Variants in CPNE3 observed in about 807,000 individuals in gnomAD.
CPNE3 encodes copine-3.
In CPNE3, 68 loss-of-function variants were observed where a neutral mutation model predicts 63.9. The ratio of observed to expected loss-of-function variants is 1.06; its 90% CI spans 0.87 to 1.30. The LOEUF (loss-of-function observed/expected upper bound fraction) is 1.30, where lower values mean the gene tolerates loss of function less well. CPNE3 is among the 50% of genes most tolerant of loss of function. The probability of loss-of-function intolerance (pLI) is 0.00; values close to 1 mark genes in which losing one functional copy is unlikely to be tolerated. For missense variants in CPNE3, 665 were observed against 578.1 expected (o/e 1.15, Z -1.54); for synonymous variants, 219 against 197.5 (o/e 1.11, Z -0.91).
chr8:86,525,419 T>C (rs1437289997), intron 2 of CPNE3, among the ~76,000 whole-genome samples: 1 of 152,178 alleles, frequency 6.6e-6, no homozygotes, highest in African/African-American at 2.4e-5. Context: ...TTCCAGACCC[T>C]AGTGTTTATG....
chr8:86,543,350 A>G (rs2131473797), intron 8 of CPNE3, among the ~76,000 whole-genome samples: 1 of 152,274 alleles, frequency 6.6e-6, no homozygotes, highest in South Asian at 2.1e-4. Flanking sequence ...AGTCTTCCTG[A>G]AGAATAATGA....
chr8:86,548,396 T>G lies in CPNE3; in HGVS notation c.975T>G (p.Ala325=), dbSNP rs201096748. Residue 325 remains alanine, a synonymous_variant, in exon 12 of 17, where the codon GCT becomes GCG. Transcript: ENST00000517490. ...SPNGVNEYLT[A]LWSVGLVIQD... is the part of the protein sequence containing the mutation. ...ATGGCGTTAATGAGTATTTGACTGC[T>G]CTCTGGTCTGTGGGACTGGTCATTC... 9 of 1,614,160 alleles carry G rather than the reference T, an allele frequency of 5.6e-6. No individual in the cohort carries two copies. The highest frequency in any genetic ancestry group is 4.4e-5 in the South Asian group (4 of 91,082).
intron 2 of CPNE3, among the ~76,000 whole-genome samples, chr8:86,528,070 T>C (rs1820578924): frequency 6.6e-6 from 1 of 150,548 alleles, no homozygotes; most frequent in South Asian, 2.1e-4. Context: ...TGCCTCAGCC[T>C]TCCTAGTAGC....
chr8:86,556,473 C>T (rs549639455), intron 16 of CPNE3, 135 bp downstream of exon 16: 11 of 695,582 alleles, frequency 1.6e-5, no homozygotes, highest in African/African-American at 1.2e-4. Context: ...TTGAGAGCTC[C>T]GATTTGGTTT....
intron 14 of CPNE3, among the ~76,000 whole-genome samples, chr8:86,552,008 C>G (rs1011408122): frequency 1.3e-5 from 2 of 152,168 alleles, no homozygotes; most frequent in African/African-American, 4.8e-5. Flanking sequence ...CCAAGTGCTG[C>G]TTCTTTTTTT....
intron 2 of CPNE3, chr8:86,521,493 T>C (rs1241122635): frequency 1.3e-5 from 2 of 152,218 alleles, no homozygotes; most frequent in Non-Finnish European, 2.9e-5. Context: ...ATAGAGAATA[T>C]TGCTGTTATA....
intron 7 of CPNE3, among the ~76,000 whole-genome samples, chr8:86,537,987 T>TCTCACA (rs60088535): frequency 7.0e-6 from 1 of 142,198 alleles, no homozygotes; most frequent in East Asian, 2.0e-4. Context: ...TCTCTCTCTC[T>TCTCACA]CACACACACA....
chr8:86,528,514 C>A lies in CPNE3; in HGVS notation c.-10-22C>A, dbSNP rs878888717. 3.1e-6 allele frequency: 5 copies of A among 1,610,048 alleles called. No homozygotes were observed. In the South Asian group the frequency reaches 4.4e-5, roughly 14 times the overall value. ...TTAAAGGCACTGTTTTACTTGCTTT[C>A]TCTTTTTATTGGTTTTCTCAGAACT... On this transcript the variant is annotated intron_variant, in intron 2 of 16. Transcript: ENST00000517490.
chr8:86,532,155 A>G (rs1239618016), intron 5 of CPNE3, among the ~76,000 whole-genome samples: 1 of 152,228 alleles, frequency 6.6e-6, no homozygotes, highest in Admixed American at 6.5e-5. Flanking sequence ...TATTCTAGGT[A>G]TGATTTATTC....
chr8:86,559,297 A>G lies in CPNE3; in HGVS notation c.*887A>G, dbSNP rs1347385691. ...TTGTCCAGGAAAGATAAGAGGACCA[A>G]ACATATAAGGTGAAATTCAGAATTC... On this transcript the variant is annotated 3_prime_UTR_variant, in exon 17 of 17. Transcript: ENST00000517490. The G allele has an allele frequency of 1.3e-5, 2 of 152,194 alleles. No individual in the cohort carries two copies. Among genetic ancestry groups the G allele is most frequent in the African/African-American group, 4.8e-5 (2 of 41,454 alleles). 9.4% of individuals were successfully genotyped at this position (152,194 alleles called of 1,614,324 possible). A position where few individuals can be genotyped will look rare whatever the true frequency, so the allele number is the denominator to read the frequency against.
chr8:86,546,508 A>G, intron 9 of CPNE3, 87 bp from the exon 10 acceptor site: 1 of 1,396,048 alleles, frequency 7.2e-7, no homozygotes, highest in South Asian at 1.2e-5. Flanking sequence ...TTTGATTCTA[A>G]AGGAAAAAAA....
In CPNE3 at chr8:86,553,596, A is replaced by G. The variant is rs148864389; in HGVS notation, c.1121-1255A>G. On this transcript the variant is annotated intron_variant, in intron 14 of 16. Transcript: ENST00000517490. ...TAGGTTTGTGTAAGTATACTCTATGATGTTCATACGATGATGAAATCACCT... is the reference window on the plus strand; with the variant it reads ...TAGGTTTGTGTAAGTATACTCTATGGTGTTCATACGATGATGAAATCACCT... 2.6e-5 allele frequency among the ~76,000 whole-genome samples: 4 copies of G among 152,274 alleles called. No individual in the cohort carries two copies. In the East Asian group the frequency reaches 7.7e-4, roughly 29 times the overall value.
intron 12 of CPNE3, among the ~76,000 whole-genome samples, chr8:86,549,192 A>T (rs962418066): frequency 6.6e-6 from 1 of 152,164 alleles, no homozygotes. Flanking sequence ...AATCTGTAGC[A>T]TTTAAAGAGG....
At position 86,557,437 on chromosome 8, in the gene CPNE3, A is replaced by G. The variant is rs376168417; in HGVS notation, c.1492-851A>G. Among the ~76,000 whole-genome samples, 7 of 152,228 alleles carry G rather than the reference A, an allele frequency of 4.6e-5. No individual in the cohort carries two copies. The East Asian group carries it at 7.7e-4, about 17-fold the overall frequency. ...AGCCGTGTGCCACCGCACCCAGCCT[A>G]TTCATGGATTTTTGAGCAAACATAA... On this transcript the variant is annotated intron_variant, in intron 16 of 16. Transcript: ENST00000517490.
chr8:86,515,874 C>CAG (rs1187917873), intron 2 of CPNE3, among the ~76,000 whole-genome samples: 2 of 152,168 alleles, frequency 1.3e-5, no homozygotes, highest in South Asian at 4.2e-4. Context: ...CAGAGCCAAA[C>CAG]AGAACTTGTG....
chr8:86,518,347 C>T (rs1454200735), intron 2 of CPNE3, among the ~76,000 whole-genome samples: 1 of 152,156 alleles, frequency 6.6e-6, no homozygotes, highest in East Asian at 1.9e-4. Flanking sequence ...GGAATGAGAA[C>T]CCCAGGAGAC....
At position 86,529,016 on chromosome 8, in the gene CPNE3, C is replaced by T; in HGVS notation, c.204C>T (p.Tyr68=). 6.2e-7 allele frequency: 1 copy of T among 1,613,652 alleles called. No homozygotes were observed. Among genetic ancestry groups the T allele is most frequent in the South Asian group, 1.1e-5 (1 of 91,070 alleles). The part of the protein sequence containing the change: ...QFSKTFIIDY[Y]FEVVQKLKFG... ...CCAAGACATTTATTATTGATTACTA[C>T]TTTGAAGTGGTTCAGAAATTGAAAT... Residue 68 remains tyrosine, a synonymous_variant, in exon 4 of 17, where the codon TAC becomes TAT. Coordinates refer to ENST00000517490, the MANE Select transcript of CPNE3 (RefSeq NM_003909.5).
intron 12 of CPNE3, among the ~76,000 whole-genome samples, chr8:86,550,413 C>T (rs1821148482): frequency 1.3e-5 from 2 of 152,056 alleles, no homozygotes. Flanking sequence ...ATCTTCAGTG[C>T]AAAACTAACT....
chr8:86,525,480 A>T (rs7465350), intron 2 of CPNE3, among the ~76,000 whole-genome samples: 47,334 of 152,104 alleles, frequency 0.31, 8,896 homozygotes, highest in Middle Eastern at 0.45. Context: ...GATAACATTG[A>T]GACCAGCACA....
Sources: allele counts gnomAD v4.1 joint callset (sites outside exome capture counted in the v4.1 genomes callset), GRCh38; gene constraint gnomAD v4.1.1; transcripts MANE v1.5; gene names NCBI Gene and HGNC (gene_info 2026-07-23, HGNC 2026-07-21).